Variants in WDPCP observed in about 807,000 individuals in gnomAD.
WDPCP encodes the protein WD repeat-containing and planar cell polarity effector protein fritz homolog.
Under a neutral mutation model 93.1 loss-of-function variants are expected in WDPCP, and 71 were observed. The observed-to-expected ratio is 0.76, with a 90% CI of 0.63 to 0.93. WDPCP has a LOEUF of 0.93. Ranked by LOEUF, WDPCP falls within the 40% of genes least tolerant of loss-of-function variation. The pLI, the probability that WDPCP is intolerant of heterozygous loss-of-function variation, is 0.00. For synonymous variants in WDPCP, 315 were observed against 315.0 expected (o/e 1.00, Z 0.00); for missense variants, 844 against 887.4 (o/e 0.95, Z 0.62).
chr2:63,436,971 C>T (rs184853405), intron 8 of WDPCP, among the ~76,000 whole-genome samples: 6 of 152,076 alleles, frequency 3.9e-5, no homozygotes, highest in African/African-American at 1.2e-4. Context: ...GTTCTTCCCC[C>T]TCCTTGTTTA....
At chr2:63,549,506 C>T (rs1705410086) in intron 1 of WDPCP, among the ~76,000 whole-genome samples, 2 of 152,140 alleles carry the variant, frequency 1.3e-5, no homozygotes, top group South Asian at 2.1e-4. Flanking sequence ...CGGTGGCTCA[C>T]GCCTGTAATC....
intron 2 of WDPCP, among the ~76,000 whole-genome samples, chr2:63,692,370 C>T (rs1448071243): frequency 6.6e-6 from 1 of 152,046 alleles, no homozygotes; most frequent in Non-Finnish European, 1.5e-5. Context: ...GTTAAATTAA[C>T]TTAGGCAAGT....
intron 2 of WDPCP, among the ~76,000 whole-genome samples, chr2:63,790,454 T>C (rs1387806928): frequency 1.3e-5 from 2 of 152,064 alleles, no homozygotes; most frequent in Non-Finnish European, 2.9e-5. Flanking sequence ...GGTGCACAAG[T>C]GGATCTTGGA....
At chr2:63,590,395 T>C (rs1575718293), upstream of WDPCP, 1 of 152,278 alleles carries the variant, frequency 6.6e-6, no homozygotes, top group East Asian at 1.9e-4. Flanking sequence ...GAATTTTTAT[T>C]TTTATAGGGA....
intron 2 of WDPCP, among the ~76,000 whole-genome samples, chr2:63,757,315 T>C (rs1037918274): frequency 2.0e-5 from 3 of 152,176 alleles, no homozygotes; most frequent in African/African-American, 7.2e-5. Context: ...TCTATAGACA[T>C]GTATTTGCTG....
intron 13 of WDPCP, among the ~76,000 whole-genome samples, chr2:63,275,406 C>T (rs930235745): frequency 6.6e-6 from 1 of 152,122 alleles, no homozygotes; most frequent in East Asian, 1.9e-4. Flanking sequence ...TTACACCACT[C>T]CTGATCAGTA....
chr2:63,573,584 G>A (rs553608441), intron 1 of WDPCP, among the ~76,000 whole-genome samples: 16 of 152,082 alleles, frequency 1.1e-4, no homozygotes, highest in South Asian at 6.2e-4. Context: ...GATGTATGCC[G>A]CCTCAGGACC....
chr2:63,795,956 G>A (rs1040986877), intron 2 of WDPCP, among the ~76,000 whole-genome samples: 3 of 152,166 alleles, frequency 2.0e-5, no homozygotes, highest in Non-Finnish European at 4.4e-5. Flanking sequence ...TCTCCAAAGA[G>A]GTAAATCCTG....
At chr2:63,310,697 A>AAAAAT (rs1423234878) in intron 13 of WDPCP, among the ~76,000 whole-genome samples, 6 of 114,812 alleles carry the variant, frequency 5.2e-5, no homozygotes, top group Non-Finnish European at 1.2e-4. Flanking sequence ...AAAGTCTAAA[A>AAAAAT]TATTTGCAAA....
chr2:63,800,762 T>C (rs571054684), intron 2 of WDPCP, among the ~76,000 whole-genome samples: 9 of 152,288 alleles, frequency 5.9e-5, no homozygotes, highest in South Asian at 2.1e-4. Context: ...CAATTTAAAA[T>C]AGCAAACAGG....
chr2:63,414,837 T>C lies in WDPCP; in HGVS notation c.826-10180A>G, dbSNP rs1428536350. ...AAATCATCACTAAAGAACTTACTCA[T>C]ATAACCAAATACCACCTTTACCCCA... On this transcript the variant is annotated intron_variant, in intron 9 of 17. Transcript: ENST00000272321. Among the ~76,000 whole-genome samples, 3 of 152,240 alleles carry C rather than the reference T, an allele frequency of 2.0e-5. No homozygotes were observed. The South Asian group carries it at 6.2e-4, about 32-fold the overall frequency.
intron 2 of WDPCP, among the ~76,000 whole-genome samples, chr2:63,694,848 A>G (rs1274412866): frequency 1.3e-5 from 2 of 152,200 alleles, no homozygotes; most frequent in Non-Finnish European, 2.9e-5. Flanking sequence ...CATTTAGCCT[A>G]TGAAACCTAA....
chr2:63,352,947 T>A (rs1016113237), intron 12 of WDPCP, among the ~76,000 whole-genome samples: 4 of 152,254 alleles, frequency 2.6e-5, no homozygotes, highest in African/African-American at 9.6e-5. Flanking sequence ...CCCTTTCTAA[T>A]AAAAATTAGT....
At chr2:63,761,287 C>T (rs906611854) in intron 2 of WDPCP, among the ~76,000 whole-genome samples, 6 of 152,166 alleles carry the variant, frequency 3.9e-5, no homozygotes, top group African/African-American at 1.4e-4. Context: ...TGGGATGACA[C>T]AGCAAGAAGG....
At chr2:63,144,294 ATT>A (rs1671314533) in intron 17 of WDPCP, among the ~76,000 whole-genome samples, 1 of 125,498 alleles carries the variant, frequency 8.0e-6, no homozygotes, top group Non-Finnish European at 1.8e-5. Context: ...ATTTTATTTT[ATT>A]TTGAGACGGA....
chr2:63,608,763 T>C (rs1315030151), intron 3 of WDPCP, among the ~76,000 whole-genome samples: 1 of 152,146 alleles, frequency 6.6e-6, no homozygotes, highest in African/African-American at 2.4e-5. Flanking sequence ...TGAGCTAGGA[T>C]CACGCCACTG....
chr2:63,172,400 C>T lies in WDPCP; in HGVS notation c.2078+2270G>A, dbSNP rs558128839. The stretch of plus-strand genomic sequence containing the variant: ...GCACGTGCCTGTAGTTGCAGTTGCT[C>T]GGGAGGCTGAGGTGGGATAATCACC... On this transcript the variant is annotated intron_variant, in intron 15 of 17. Coordinates refer to ENST00000272321, the MANE Select transcript of WDPCP (RefSeq NM_015910.7). Among the ~76,000 whole-genome samples the T allele has an allele frequency of 4.6e-5, 7 of 152,062 alleles. No homozygotes were observed. In the East Asian group the frequency reaches 9.7e-4, roughly 21 times the overall value.
chr2:63,686,860 CTGTATAT>C (rs1329225915), intron 2 of WDPCP, among the ~76,000 whole-genome samples: 1 of 60,032 alleles, frequency 1.7e-5, no homozygotes, highest in Admixed American at 1.4e-4. Flanking sequence ...GCTGAAAAAA[CTGTATAT>C]CCATATTCAG....
intron 13 of WDPCP, among the ~76,000 whole-genome samples, chr2:63,271,246 G>A (rs1034188530): frequency 7.2e-5 from 11 of 152,234 alleles, no homozygotes; most frequent in African/African-American, 2.7e-4. Flanking sequence ...GCTCCCAGCA[G>A]CAAAGCCAAT....
Sources: allele counts gnomAD v4.1 joint callset (sites outside exome capture counted in the v4.1 genomes callset), GRCh38; gene constraint gnomAD v4.1.1; transcripts MANE v1.5; gene names NCBI Gene and HGNC (gene_info 2026-07-23, HGNC 2026-07-21).